The following KIAA1549 variants were observed in gnomAD, a reference collection of about 807,000 sequenced individuals.
The protein encoded by KIAA1549 is UPF0606 protein KIAA1549.
A neutral mutation model predicts 156.4 loss-of-function variants in KIAA1549; 70 were observed. That is an observed-to-expected ratio of 0.45 (90% CI 0.37 to 0.55). The LOEUF is 0.55. Among genes scored for constraint, KIAA1549 ranks in the 20% least tolerant of loss-of-function variants. The probability of loss-of-function intolerance (pLI) is 0.00; values close to 1 mark genes in which losing one functional copy is unlikely to be tolerated. For synonymous variants in KIAA1549, 1,103 were observed against 1,066.4 expected (o/e 1.03, Z -0.67); for missense variants, 2,428 against 2,540.9 (o/e 0.96, Z 0.96).
At chr7:138,959,846 C>T (rs1279485526) in intron 1 of KIAA1549, among the ~76,000 whole-genome samples, 1 of 152,224 alleles carries the variant, frequency 6.6e-6, no homozygotes, top group Non-Finnish European at 1.5e-5. Context: ...GACCCGACCC[C>T]TCTTTAAACA....
intron 2 of KIAA1549, among the ~76,000 whole-genome samples, 157 bp from the exon 3 acceptor site, chr7:138,912,617 G>T (rs944076904): frequency 1.3e-5 from 2 of 151,986 alleles, no homozygotes; most frequent in Non-Finnish European, 2.9e-5. Context: ...AGGGGTTAAG[G>T]ATCTAGTTGC....
At chr7:138,846,504 A>T (rs1353703174) in intron 17 of KIAA1549, among the ~76,000 whole-genome samples, 5 of 137,022 alleles carry the variant, frequency 3.6e-5, no homozygotes, top group African/African-American at 1.4e-4. Flanking sequence ...ACTGCACTCC[A>T]GCCTGGGTGA....
rs1402905121 is a variant in KIAA1549, at chr7:138,981,164, A to C, written c.106T>G (p.Cys36Gly). ...AGCCCCGGGCGGCGGCGGCGGGCGCAGCGGGCGGAAGGCCGTCGGCCGCTC... is the reference window on the plus strand; with the variant it reads ...AGCCCCGGGCGGCGGCGGCGGGCGCCGCGGGCGGAAGGCCGTCGGCCGCTC... ...GPSGRRPSAR[C>G]ARRRRPGLLL... Residue 36 changes from cysteine to glycine, a missense_variant, in exon 1 of 20, where the codon TGC becomes GGC. Physicochemically the swap from Cys to Gly is radical, Grantham distance 159 (BLOSUM62 -3). Coordinates refer to ENST00000422774, the MANE Select transcript of KIAA1549 (RefSeq NM_001164665.2). This position sits in a 1 kb window ranked among gnomAD's most constrained non-coding sequence, Gnocchi z 4.5. The C allele has an allele frequency of 8.5e-7, 1 of 1,174,986 alleles. No homozygotes were observed. Among genetic ancestry groups the C allele is most frequent in the African/African-American group, 1.6e-5 (1 of 61,962 alleles). The allele number at this position is 1,174,986 out of a possible 1,614,324, so 72.8% of individuals were successfully genotyped here. A position where few individuals can be genotyped will look rare whatever the true frequency, so the allele number is the denominator to read the frequency against.
At chr7:138,876,015 T>C (rs1382304146) in intron 12 of KIAA1549, among the ~76,000 whole-genome samples, 1 of 152,052 alleles carries the variant, frequency 6.6e-6, no homozygotes, top group Non-Finnish European at 1.5e-5. Context: ...TAGCCCAGGC[T>C]GGAAAACCAC....
chr7:138,937,781 G>A (rs1368803942), intron 1 of KIAA1549, among the ~76,000 whole-genome samples: 3 of 152,144 alleles, frequency 2.0e-5, no homozygotes, highest in Non-Finnish European at 4.4e-5. Flanking sequence ...AACTCGGGGT[G>A]GATGGAAATG....
chr7:138,862,563 A>G (rs1013064012), intron 15 of KIAA1549, among the ~76,000 whole-genome samples: 3 of 152,094 alleles, frequency 2.0e-5, no homozygotes, highest in East Asian at 1.9e-4. Context: ...AGCAATTACA[A>G]TATCTATTTT....
At chr7:138,975,963 G>A (rs895929776) in intron 1 of KIAA1549, among the ~76,000 whole-genome samples, 7 of 152,150 alleles carry the variant, frequency 4.6e-5, no homozygotes, top group Admixed American at 6.5e-5. Flanking sequence ...GTTCCCAAAC[G>A]GGCAGGAGTG....
chr7:138,923,841 T>C (rs944178589), intron 1 of KIAA1549, among the ~76,000 whole-genome samples: 1 of 152,150 alleles, frequency 6.6e-6, no homozygotes, highest in African/African-American at 2.4e-5. Flanking sequence ...ATACCAAAAT[T>C]TGTAAATAAT....
Position 138,918,168 on chromosome 7 carries a change from G to A in KIAA1549, c.1458C>T (p.Pro486=), listed in dbSNP as rs773356951. ...EDPQVFNTLF[P]SRPIVPLSSR... ...AAGAAAGTGGGACGATAGGTCTGGA[G>A]GGGAAAAGCGTATTAAATACTTGAG... Residue 486 remains proline (P), a synonymous_variant, in exon 2 of 20, where the codon CCC becomes CCT. Coordinates refer to ENST00000422774, the MANE Select transcript of KIAA1549 (RefSeq NM_001164665.2). This position sits in a 1 kb window ranked among gnomAD's most constrained non-coding sequence, Gnocchi z 4.2. 6.8e-6 allele frequency: 11 copies of A among 1,613,800 alleles called. No homozygotes were observed. In the East Asian group the frequency reaches 2.4e-4, roughly 36 times the overall value.
At chr7:138,931,310 T>A (rs80202222) in intron 1 of KIAA1549, among the ~76,000 whole-genome samples, 1,830 of 152,308 alleles carry the variant, frequency 0.012, 52 homozygotes, top group African/African-American at 0.042. Context: ...GAGCCTTCCA[T>A]CTGTAAAAAG....
At chr7:138,845,733 G>A (rs1349917198) in intron 17 of KIAA1549, among the ~76,000 whole-genome samples, 7 of 151,996 alleles carry the variant, frequency 4.6e-5, no homozygotes, top group African/African-American at 7.3e-5. Context: ...AAAGTCTCTC[G>A]GTGCTAGGAA....
rs1413532699 is a variant in KIAA1549, at chr7:138,917,707, G to A, written c.1919C>T (p.Ser640Leu). 6.2e-6 allele frequency: 10 copies of A among 1,601,816 alleles called. No individual in the cohort carries two copies. Among genetic ancestry groups the A allele is most frequent in the East Asian group, 2.2e-5 (1 of 44,502 alleles). Residue 640 changes from serine (S) to leucine (L), a missense_variant, in exon 2 of 20, where the codon TCG becomes TTG. Transcript: ENST00000422774. ...CAGAGACGCAGGTGCTTCCGAAGGC[G>A]AAGAGATGGAGCCGCTGAGTTCCAG... ...PPLELSGSIS[S>L]PSEAPASLSL...
Position 138,904,247 on chromosome 7 carries a change from G to A in KIAA1549, c.3521-511C>T, listed in dbSNP as rs561249884. On this transcript the variant is annotated intron_variant, in intron 7 of 19. Coordinates refer to ENST00000422774, the MANE Select transcript of KIAA1549 (RefSeq NM_001164665.2). ...TCTCAACAGACAATCACTTGCCAGT[G>A]TGGTCTGGGAGGAAGGAGCATGTGC... Among the ~76,000 whole-genome samples the A allele has an allele frequency of 3.1e-4, 47 of 152,330 alleles. No individual in the cohort carries two copies. In the South Asian group the frequency reaches 9.7e-3, roughly 32 times the overall value.
chr7:138,895,834 C>G (rs1032446884), intron 9 of KIAA1549, among the ~76,000 whole-genome samples: 10 of 152,026 alleles, frequency 6.6e-5, no homozygotes, highest in Non-Finnish European at 1.3e-4. Flanking sequence ...CCTTCATTGC[C>G]CCACCTGTGT....
chr7:138,855,174 C>G (rs940515839), intron 16 of KIAA1549, among the ~76,000 whole-genome samples: 2 of 152,178 alleles, frequency 1.3e-5, no homozygotes, highest in African/African-American at 4.8e-5. Flanking sequence ...CAGCAGTGAA[C>G]AAGTTCAGGT....
At chr7:138,922,487 T>C (rs570066348) in intron 1 of KIAA1549, among the ~76,000 whole-genome samples, 6 of 152,216 alleles carry the variant, frequency 3.9e-5, no homozygotes, top group African/African-American at 1.4e-4. Context: ...CTTTAGATAT[T>C]GGAATTATGA....
chr7:138,949,546 A>G (rs1180194411), intron 1 of KIAA1549, among the ~76,000 whole-genome samples: 1 of 152,124 alleles, frequency 6.6e-6, no homozygotes, highest in Non-Finnish European at 1.5e-5. Context: ...GCATACAGCT[A>G]ATGAAGAGAT....
intron 1 of KIAA1549, among the ~76,000 whole-genome samples, chr7:138,959,463 T>C (rs1375047772): frequency 3.3e-5 from 5 of 152,176 alleles, no homozygotes; most frequent in East Asian, 1.9e-4. Flanking sequence ...CCAACCTGCA[T>C]AGGACAAAGG....
chr7:138,882,078 TCCAAAAACG>T (rs1355240997), intron 10 of KIAA1549, among the ~76,000 whole-genome samples: 1 of 152,134 alleles, frequency 6.6e-6, no homozygotes, highest in Non-Finnish European at 1.5e-5. Context: ...TATGGATGAC[TCCAAAAACG>T]CCAGCTTCTG....
Sources: allele counts gnomAD v4.1 joint callset (sites outside exome capture counted in the v4.1 genomes callset), GRCh38; gene constraint gnomAD v4.1.1; non-coding constraint Gnocchi (gnomAD v3.1); transcripts MANE v1.5; gene names NCBI Gene and HGNC (gene_info 2026-07-23, HGNC 2026-07-21).